Variants in KLF7 observed in about 807,000 individuals in gnomAD.
KLF7 encodes Krueppel-like factor 7.
In KLF7, 2 loss-of-function variants were observed where a neutral mutation model predicts 27.3. That is an observed-to-expected ratio of 0.07 (90% CI 0.03 to 0.23). The LOEUF (loss-of-function observed/expected upper bound fraction) is 0.23, where lower values mean the gene tolerates loss of function less well. Ranked by LOEUF, KLF7 falls within the 10% of genes least tolerant of loss-of-function variation. The pLI is 1.00. For synonymous variants in KLF7, 165 were observed against 162.4 expected, an observed-to-expected ratio of 1.02 and a Z score of -0.12; for missense variants, 221 against 394.1, an observed-to-expected ratio of 0.56 and a Z score of 3.72.
At chr2:207,162,601 C>G (rs2078581044) in intron 1 of KLF7, among the ~76,000 whole-genome samples, 1 of 152,216 alleles carries the variant, frequency 6.6e-6, no homozygotes. Flanking sequence ...AATCCAATGT[C>G]AAAACGAGGA....
At chr2:207,084,536 CA>C (rs952870241) in intron 3 of KLF7, among the ~76,000 whole-genome samples, 8 of 147,646 alleles carry the variant, frequency 5.4e-5, no homozygotes, top group East Asian at 2.0e-4. Flanking sequence ...GTTCAAATTC[CA>C]AAAAAAAAAT....
chr2:207,149,662 A>C (rs2106099122), intron 1 of KLF7, among the ~76,000 whole-genome samples: 1 of 152,346 alleles, frequency 6.6e-6, no homozygotes, highest in Non-Finnish European at 1.5e-5. Context: ...AATCCTTGTC[A>C]GTATGGCACC....
intron 1 of KLF7, among the ~76,000 whole-genome samples, chr2:207,147,367 G>T (rs1031349954): frequency 1.3e-5 from 2 of 152,028 alleles, no homozygotes; most frequent in Admixed American, 6.6e-5. Flanking sequence ...GAACAGAAAA[G>T]GTATAAAAAG....
chr2:207,146,042 C>T (rs1249416158), intron 1 of KLF7, among the ~76,000 whole-genome samples: 1 of 152,188 alleles, frequency 6.6e-6, no homozygotes, highest in Non-Finnish European at 1.5e-5. Flanking sequence ...GTCTTCATCC[C>T]TTGCTGATGG....
At chr2:207,132,477 CAACA>C (rs1167548901) in intron 1 of KLF7, among the ~76,000 whole-genome samples, 2 of 152,124 alleles carry the variant, frequency 1.3e-5, no homozygotes, top group Non-Finnish European at 1.5e-5. Flanking sequence ...CTCCTATTTT[CAACA>C]AACAAAGAAA....
At chr2:207,148,737 G>C (rs2078163873) in intron 1 of KLF7, among the ~76,000 whole-genome samples, 2 of 152,176 alleles carry the variant, frequency 1.3e-5, no homozygotes, top group Admixed American at 1.3e-4. Context: ...CCTTCAGATA[G>C]GGTCTATACT....
chr2:207,093,294 T>G (rs968979213), intron 2 of KLF7, among the ~76,000 whole-genome samples: 2 of 152,150 alleles, frequency 1.3e-5, no homozygotes, highest in Non-Finnish European at 1.5e-5. Flanking sequence ...AGAAAAAAAG[T>G]CAAAAGCCAG....
At chr2:207,124,484 G>C (rs759519267) in intron 1 of KLF7, 80 bp from the exon 2 acceptor site, 158 of 1,377,216 alleles carry the variant, frequency 1.1e-4, no homozygotes, top group Non-Finnish European at 1.6e-4. Flanking sequence ...CAGGCAGAGG[G>C]GGAAGGTGCA....
At chr2:207,173,264 G>A in the KLF7 span, among the ~76,000 whole-genome samples, 1 of 152,108 alleles carries the variant, frequency 6.6e-6, no homozygotes, top group East Asian at 1.9e-4. Flanking sequence ...TCTTCATTCT[G>A]TGCTCACTTT....
chr2:207,105,604 T>C (rs924020815), intron 2 of KLF7, among the ~76,000 whole-genome samples: 1 of 152,190 alleles, frequency 6.6e-6, no homozygotes, highest in East Asian at 1.9e-4. Context: ...CCATCCTATT[T>C]GCTGTGCCAG....
chr2:207,083,793 A>C (rs1222738163), intron 3 of KLF7, among the ~76,000 whole-genome samples: 2 of 152,246 alleles, frequency 1.3e-5, no homozygotes, highest in African/African-American at 2.4e-5. Flanking sequence ...GGTTCTTAAA[A>C]GTGGGAGAAG....
chr2:207,103,086 C>A (rs1180499675), intron 2 of KLF7, among the ~76,000 whole-genome samples: 3 of 152,118 alleles, frequency 2.0e-5, no homozygotes, highest in Non-Finnish European at 1.5e-5. Flanking sequence ...CGCCACCACA[C>A]CCAGCTAATT....
rs2078685458 is a variant in KLF7, at chr2:207,165,664, G to A, written c.-96C>T. 6.3e-7 allele frequency: 1 copy of A among 1,578,818 alleles called. No individual in the cohort carries two copies. Among genetic ancestry groups the A allele is most frequent in the Admixed American group, 1.8e-5 (1 of 54,080 alleles). On this transcript the variant is annotated 5_prime_UTR_variant, in exon 1 of 4. Coordinates refer to ENST00000309446, the MANE Select transcript of KLF7 (RefSeq NM_003709.4). The stretch of plus-strand genomic sequence containing the variant: ...TCTGTCTGGCTCACCCCCCAAGAAG[G>A]CAGACATCCAGTGGCCCTTTTGTTT...
intron 1 of KLF7, among the ~76,000 whole-genome samples, chr2:207,154,478 C>T (rs183138329): frequency 6.6e-6 from 1 of 152,300 alleles, no homozygotes; most frequent in Admixed American, 6.5e-5. Context: ...CCCCCAGTTC[C>T]AAGCACAAAT....
At chr2:207,102,125 T>TA (rs1553522202) in intron 2 of KLF7, among the ~76,000 whole-genome samples, 3 of 121,228 alleles carry the variant, frequency 2.5e-5, no homozygotes, top group African/African-American at 9.1e-5. Flanking sequence ...TACATTCACA[T>TA]TCACACACAC....
upstream of KLF7, among the ~76,000 whole-genome samples, chr2:207,169,430 A>C (rs1574616501): frequency 6.7e-6 from 1 of 149,896 alleles, no homozygotes; most frequent in African/African-American, 2.4e-5. Flanking sequence ...AGTACTCCTC[A>C]AAGTAAATCT....
chr2:207,165,946 G>T lies in KLF7; in HGVS notation c.-378C>A. On this transcript the variant is annotated 5_prime_UTR_variant, in exon 1 of 4. Coordinates refer to ENST00000309446, the MANE Select transcript of KLF7 (RefSeq NM_003709.4). Reference sequence around the variant, plus strand: ...AGCTGCCATCTATTTCTGCAGCGCTGTTCGCTCCTAATGCAATCTTTGCTC... The same window carrying T: ...AGCTGCCATCTATTTCTGCAGCGCTTTTCGCTCCTAATGCAATCTTTGCTC... The T allele has an allele frequency of 9.5e-7, 1 of 1,056,738 alleles. No homozygotes were observed. The highest frequency in any genetic ancestry group is 1.1e-6 in the Non-Finnish European group (1 of 873,054). 65.5% of individuals were successfully genotyped at this position (1,056,738 alleles called of 1,614,324 possible).
At chr2:207,167,938 A>T (rs984053035), upstream of KLF7, among the ~76,000 whole-genome samples, 15 of 152,222 alleles carry the variant, frequency 9.9e-5, no homozygotes, top group Admixed American at 7.2e-4. Flanking sequence ...TAGGACCTTT[A>T]GGAGAATATA....
At chr2:207,116,878 A>G (rs2077201722) in intron 2 of KLF7, among the ~76,000 whole-genome samples, 1 of 152,038 alleles carries the variant, frequency 6.6e-6, no homozygotes, top group Non-Finnish European at 1.5e-5. Context: ...CAGTTCCCCC[A>G]CATCCCCCAT....
Sources: allele counts gnomAD v4.1 joint callset (sites outside exome capture counted in the v4.1 genomes callset), GRCh38; gene constraint gnomAD v4.1.1; transcripts MANE v1.5; gene names NCBI Gene and HGNC (gene_info 2026-07-23, HGNC 2026-07-21).